Variants in ESR1 observed in about 807,000 individuals in gnomAD.
The protein encoded by ESR1 is estrogen receptor.
A neutral mutation model predicts 52.7 loss-of-function variants in ESR1; 12 were observed. The ratio of observed to expected loss-of-function variants is 0.23; its 90% CI spans 0.15 to 0.37. ESR1 has a LOEUF of 0.37. ESR1 is among the 10% of genes least tolerant of loss of function. The pLI is 1.00. For synonymous variants in ESR1, 305 were observed against 316.8 expected (o/e 0.96, Z 0.39); for missense variants, 584 against 779.7 (o/e 0.75, Z 2.99).
chr6:151,813,516 C>T (rs1211728942), intron 1 of ESR1: 1 of 152,042 alleles, frequency 6.6e-6, no homozygotes, highest in Non-Finnish European at 1.5e-5. Context: ...CTACTTGGCT[C>T]ATTGTTTTAG....
chr6:151,923,369 A>G (rs2032070541), intron 3 of ESR1, among the ~76,000 whole-genome samples: 1 of 152,160 alleles, frequency 6.6e-6, no homozygotes, highest in South Asian at 2.1e-4. Context: ...ACAAGTATTT[A>G]ATGTATTGTA....
chr6:151,688,828 A>G (rs991660841), upstream of ESR1, among the ~76,000 whole-genome samples: 8 of 152,226 alleles, frequency 5.3e-5, no homozygotes, highest in African/African-American at 1.7e-4. Flanking sequence ...GTGATTTTAT[A>G]TCAGGGACTT....
chr6:151,907,506 C>CT (rs34045541), intron 3 of ESR1, among the ~76,000 whole-genome samples: 11 of 150,846 alleles, frequency 7.3e-5, no homozygotes, highest in African/African-American at 2.2e-4. Flanking sequence ...TCAGGTATGT[C>CT]TTTTTTTTTG....
intron 5 of ESR1, among the ~76,000 whole-genome samples, chr6:152,025,202 A>T (rs1584875331): frequency 7.7e-6 from 1 of 130,464 alleles, no homozygotes; most frequent in Admixed American, 7.2e-5. Context: ...AGTCTTCATC[A>T]CGCTTTTTTT....
intron 2 of ESR1, among the ~76,000 whole-genome samples, chr6:151,878,341 C>T (rs772707418): frequency 2.0e-5 from 3 of 152,156 alleles, no homozygotes; most frequent in African/African-American, 4.8e-5. Context: ...TATCTGAATC[C>T]GTGTGTGGTC....
intron 2 of ESR1, among the ~76,000 whole-genome samples, chr6:151,738,558 C>T (rs1347619337): frequency 1.3e-5 from 2 of 152,096 alleles, no homozygotes; most frequent in Non-Finnish European, 2.9e-5. Flanking sequence ...TGACAGTAGC[C>T]CATCCTAATA....
At chr6:151,793,800 T>TA (rs1335133093) in intron 2 of ESR1, among the ~76,000 whole-genome samples, 2 of 152,172 alleles carry the variant, frequency 1.3e-5, no homozygotes, top group Non-Finnish European at 2.9e-5. Flanking sequence ...CGAAGTCTAG[T>TA]AAAAAAACCA....
downstream of ESR1, among the ~76,000 whole-genome samples, chr6:152,104,909 G>A (rs543311331): frequency 2.0e-5 from 3 of 152,244 alleles, no homozygotes; most frequent in Admixed American, 2.0e-4. Context: ...CTGGAGAGGG[G>A]CTGATGGTTG....
intron 3 of ESR1, among the ~76,000 whole-genome samples, chr6:151,911,385 T>G (rs1798232963): frequency 6.6e-6 from 1 of 152,188 alleles, no homozygotes; most frequent in Non-Finnish European, 1.5e-5. Context: ...TTGCATGGCT[T>G]TTCTTTACTG....
At chr6:151,778,881 C>T (rs891462169) in intron 2 of ESR1, among the ~76,000 whole-genome samples, 2 of 151,962 alleles carry the variant, frequency 1.3e-5, no homozygotes, top group Non-Finnish European at 2.9e-5. Flanking sequence ...GGGTAAGCAC[C>T]TTTGGTCTTG....
At chr6:151,786,718 GA>G (rs934048739) in intron 2 of ESR1, among the ~76,000 whole-genome samples, 16 of 148,656 alleles carry the variant, frequency 1.1e-4, no homozygotes, top group African/African-American at 3.0e-4. Context: ...TCCTTGAAAA[GA>G]AAAAAAATAT....
intron 2 of ESR1, among the ~76,000 whole-genome samples, chr6:151,855,576 A>G (rs1184561133): frequency 6.6e-6 from 1 of 152,210 alleles, no homozygotes; most frequent in Non-Finnish European, 1.5e-5. Context: ...TTGAATGACT[A>G]TTTTATTTTA....
At chr6:151,876,265 C>G (rs1791799674) in intron 2 of ESR1, among the ~76,000 whole-genome samples, 1 of 152,040 alleles carries the variant, frequency 6.6e-6, no homozygotes, top group African/African-American at 2.4e-5. Context: ...GGAAAGAAGA[C>G]AGTCGTCAGT....
At chr6:151,838,701 A>T (rs1002044169) in intron 1 of ESR1, among the ~76,000 whole-genome samples, 1 of 152,206 alleles carries the variant, frequency 6.6e-6, no homozygotes, top group Non-Finnish European at 1.5e-5. Context: ...AGTCTGGGCC[A>T]AAATGATAAT....
chr6:151,850,542 A>G (rs1285575338), intron 2 of ESR1, among the ~76,000 whole-genome samples: 1 of 151,956 alleles, frequency 6.6e-6, no homozygotes, highest in Non-Finnish European at 1.5e-5. Context: ...AACTAATATA[A>G]TAACATAATA....
intron 3 of ESR1, among the ~76,000 whole-genome samples, chr6:151,933,050 G>A (rs2033885328): frequency 6.6e-6 from 1 of 151,970 alleles, no homozygotes; most frequent in Non-Finnish European, 1.5e-5. Flanking sequence ...TGGGCAGTAT[G>A]GCCATTTTCA....
At chr6:152,040,552 C>A (rs1562711667) in intron 5 of ESR1, among the ~76,000 whole-genome samples, 1 of 152,228 alleles carries the variant, frequency 6.6e-6, no homozygotes, top group Non-Finnish European at 1.5e-5. Context: ...AAACCATTGG[C>A]TACCTCCCAT....
At chr6:151,666,296 G>GGA (rs368461861) in intron 1 of ESR1, among the ~76,000 whole-genome samples, 5 of 152,096 alleles carry the variant, frequency 3.3e-5, no homozygotes, top group South Asian at 2.1e-4. Context: ...TGGTTGGTGT[G>GGA]GAGAGAGAGA....
At chr6:152,057,531 A>G (rs548923722) in intron 5 of ESR1, among the ~76,000 whole-genome samples, 2 of 152,286 alleles carry the variant, frequency 1.3e-5, no homozygotes, top group African/African-American at 4.8e-5. Flanking sequence ...ACTGCATTGC[A>G]TATCCCCCCA....
Sources: gnomAD v4.1 joint callset for allele counts (sites outside exome capture counted in the v4.1 genomes callset) on GRCh38, gnomAD v4.1.1 for gene constraint, MANE v1.5 for transcripts, NCBI Gene and HGNC (gene_info 2026-07-23, HGNC 2026-07-21) for gene names.